The following TPM3 variants were observed in gnomAD, a reference collection of about 807,000 sequenced individuals.
TPM3 encodes the protein tropomyosin 3.
A neutral mutation model predicts 43.1 loss-of-function variants in TPM3; 16 were observed. The ratio of observed to expected loss-of-function variants is 0.37; its 90% CI spans 0.25 to 0.56. The LOEUF is 0.56. Ranked by LOEUF, TPM3 falls within the 20% of genes least tolerant of loss-of-function variation. The pLI, the probability that TPM3 is intolerant of heterozygous loss-of-function variation, is 0.77. For missense variants in TPM3, 176 were observed against 337.2 expected (o/e 0.52, Z 3.74); for synonymous variants, 101 against 116.9 (o/e 0.86, Z 0.88).
chr1:154,180,015 C>CA (rs200914895), intron 2 of TPM3, among the ~76,000 whole-genome samples: 192 of 149,876 alleles, frequency 1.3e-3, no homozygotes, highest in African/African-American at 4.3e-3. Flanking sequence ...ACCACTACCA[C>CA]AAAAAAAAAG....
intron 2 of TPM3, among the ~76,000 whole-genome samples, chr1:154,182,149 C>A (rs1200047930): frequency 6.6e-6 from 1 of 152,200 alleles, no homozygotes; most frequent in Admixed American, 6.5e-5. Flanking sequence ...TTAACCAGTT[C>A]GGCTTGCACT....
chr1:154,173,559 G>A (rs1418210965), intron 3 of TPM3, among the ~76,000 whole-genome samples: 1 of 151,978 alleles, frequency 6.6e-6, no homozygotes, highest in Non-Finnish European at 1.5e-5. Context: ...AGCTACTTGG[G>A]AGGCTCAGGC....
At chr1:154,168,766 T>C (rs990946886) in intron 9 of TPM3, among the ~76,000 whole-genome samples, 2 of 152,012 alleles carry the variant, frequency 1.3e-5, no homozygotes, top group African/African-American at 4.8e-5. Flanking sequence ...CCTCGAGTCA[T>C]CCGCCCACCT....
chr1:154,171,420 G>A lies in TPM3; in HGVS notation c.635C>T (p.Ala212Val), dbSNP rs1138355. ...TNNLKSLEAQAEKYSQKEDKY... is the reference protein window; with the variant it reads ...TNNLKSLEAQVEKYSQKEDKY... ...TCACAAACCAGCCCCTACCTTCTCCGCCTGAGCCTCAAGAGACTTGAGGTT... is the reference window on the plus strand; with the variant it reads ...TCACAAACCAGCCCCTACCTTCTCCACCTGAGCCTCAAGAGACTTGAGGTT... The change falls in exon 6 of 10, where the codon GCG becomes GTG. Residue 212 changes from alanine (A) to valine (V), a missense_variant. Transcript: ENST00000651641. The A allele has an allele frequency of 6.2e-6, 10 of 1,614,024 alleles. No individual in the cohort carries two copies. The highest frequency in any genetic ancestry group is 3.3e-5 in the South Asian group (3 of 91,088).
At chr1:154,189,534 C>T (rs1463619839) in intron 2 of TPM3, among the ~76,000 whole-genome samples, 1 of 152,036 alleles carries the variant, frequency 6.6e-6, no homozygotes, top group Admixed American at 6.5e-5. Flanking sequence ...TGGCTCACGC[C>T]TGTAATCCCA....
chr1:154,190,748 C>A (rs901050521), intron 2 of TPM3, among the ~76,000 whole-genome samples: 10 of 152,126 alleles, frequency 6.6e-5, no homozygotes, highest in African/African-American at 2.4e-4. Flanking sequence ...ATTGTGAAAT[C>A]CGAGCTGGTT....
chr1:154,172,852 G>A, intron 5 of TPM3, 56 bp downstream of exon 5: 5 of 1,600,168 alleles, frequency 3.1e-6, no homozygotes, highest in Non-Finnish European at 4.3e-6. Flanking sequence ...TAGTGCCCAA[G>A]CCAAAGGGGA....
chr1:154,180,322 G>A (rs1288704323), intron 2 of TPM3, among the ~76,000 whole-genome samples: 4 of 152,090 alleles, frequency 2.6e-5, no homozygotes, highest in East Asian at 3.8e-4. Context: ...GCAGTTTCCC[G>A]CTCCAGAGGA....
chr1:154,169,525 C>T, intron 8 of TPM3, 142 bp from the exon 9 acceptor site: 1 of 784,444 alleles, frequency 1.3e-6, no homozygotes, highest in Non-Finnish European at 2.2e-6. Flanking sequence ...TCTACTCTGG[C>T]AACCATGACT....
At chr1:154,180,077 T>C (rs1382915240) in intron 2 of TPM3, among the ~76,000 whole-genome samples, 1 of 152,124 alleles carries the variant, frequency 6.6e-6, no homozygotes, top group Non-Finnish European at 1.5e-5. Flanking sequence ...TGTTTCCATT[T>C]AGACAGAAGT....
chr1:154,184,753 CAATT>C lies in TPM3; in HGVS notation c.243+6429_243+6432del, dbSNP rs143450649. Among the ~76,000 whole-genome samples, 596 of 151,226 alleles carry C rather than the reference CAATT, an allele frequency of 3.9e-3. 9 individuals carry two copies. The East Asian group carries it at 0.056, about 14-fold the overall frequency. On this transcript the variant is annotated intron_variant, in intron 2 of 9. Coordinates refer to ENST00000651641, the MANE Select transcript of TPM3 (RefSeq NM_152263.4). ...TATAGTGAGACCTCGTCTCTACAAA[CAATT>C]AAAAAATTAGCCAGGCTTGGTGGCA...
chr1:154,160,154 C>T (rs1000874716), downstream of TPM3, among the ~76,000 whole-genome samples: 4 of 152,136 alleles, frequency 2.6e-5, no homozygotes, highest in African/African-American at 9.7e-5. Context: ...ATACATCTGA[C>T]TAGCACAGGG....
intron 2 of TPM3, among the ~76,000 whole-genome samples, chr1:154,179,213 C>T (rs910107269): frequency 6.6e-6 from 1 of 152,204 alleles, no homozygotes; most frequent in Non-Finnish European, 1.5e-5. Context: ...GATACCGTGT[C>T]CTTGGGGAAT....
In TPM3 at chr1:154,179,390, G is replaced by T. The variant is rs187388325; in HGVS notation, c.244-3142C>A. 3.4e-3 allele frequency among the ~76,000 whole-genome samples: 524 copies of T among 152,242 alleles called. 4 individuals carry two copies. The highest frequency in any genetic ancestry group is 5.5e-3 in the Non-Finnish European group (375 of 68,026). The stretch of plus-strand genomic sequence containing the variant: ...AGGAAAGCAAAGCAACCAAAGAAAG[G>T]TTGCTTAGTCCACCAGGCCCACGAA... On this transcript the variant is annotated intron_variant, in intron 2 of 9. Transcript: ENST00000651641.
intron 2 of TPM3, chr1:154,178,118 C>CT: frequency 2.0e-6 from 2 of 985,392 alleles, no homozygotes; most frequent in South Asian, 9.4e-5. Context: ...ACTTACCCCC[C>CT]TCAGACGAAA....
At chr1:154,179,074 TG>T (rs1220527778) in intron 2 of TPM3, among the ~76,000 whole-genome samples, 2 of 152,260 alleles carry the variant, frequency 1.3e-5, no homozygotes, top group East Asian at 3.8e-4. Flanking sequence ...TCTGCCACAC[TG>T]GGGTTTCTCT....
In TPM3 at chr1:154,167,701, G is replaced by A; in HGVS notation, c.*236C>T. 1 of 1,388,902 alleles carries A rather than the reference G, an allele frequency of 7.2e-7. No individual in the cohort carries two copies. The highest frequency in any genetic ancestry group is 9.4e-7 in the Non-Finnish European group (1 of 1,064,722). 86.0% of individuals were successfully genotyped at this position (1,388,902 alleles called of 1,614,324 possible). A position where few individuals can be genotyped will look rare whatever the true frequency, so the allele number is the denominator to read the frequency against. On this transcript the variant is annotated 3_prime_UTR_variant, in exon 10 of 10. Coordinates refer to ENST00000651641, the MANE Select transcript of TPM3 (RefSeq NM_152263.4). ...CACACCCCCAAGGCTCCTTCTTAGG[G>A]ACAGCAACAGCTTTGTCAATGACAC...
At chr1:154,191,790 C>G in intron 1 of TPM3, 112 bp downstream of exon 1, 2 of 1,576,398 alleles carry the variant, frequency 1.3e-6, no homozygotes, top group Admixed American at 3.3e-5. Context: ...GGAGTCCATC[C>G]CACCCCCAAA....
At position 154,163,731 on chromosome 1, in the gene TPM3, T is replaced by G; in HGVS notation, c.*4206A>C. 6.6e-6 allele frequency among the ~76,000 whole-genome samples: 1 copy of G among 152,148 alleles called. No individual in the cohort carries two copies. Among genetic ancestry groups the G allele is most frequent in the East Asian group, 1.9e-4 (1 of 5,184 alleles). On this transcript the variant is annotated 3_prime_UTR_variant, in exon 10 of 10. Coordinates refer to ENST00000651641, the MANE Select transcript of TPM3 (RefSeq NM_152263.4). ...TCACTACAAGCTCCGCCTCCCGGGT[T>G]CACGCCATTCTCCTGCCTCAGCCTC... is the stretch of plus-strand genomic sequence containing the variant.
Sources: gnomAD v4.1 joint callset for allele counts (sites outside exome capture counted in the v4.1 genomes callset) on GRCh38, gnomAD v4.1.1 for gene constraint, MANE v1.5 for transcripts, NCBI Gene and HGNC (gene_info 2026-07-23, HGNC 2026-07-21) for gene names.